The following EPN2 variants were observed in gnomAD, a reference collection of about 807,000 sequenced individuals.
EPN2 encodes epsin-2.
Under a neutral mutation model 61.7 loss-of-function variants are expected in EPN2, and 34 were observed. The observed-to-expected ratio is 0.55, with a 90% CI of 0.42 to 0.73. The LOEUF is 0.73. Among genes scored for constraint, EPN2 ranks in the 30% least tolerant of loss-of-function variants. The pLI is 0.00. For missense variants in EPN2, 714 were observed against 839.2 expected (o/e 0.85, Z 1.84); for synonymous variants, 349 against 353.6 (o/e 0.99, Z 0.15).
At chr17:19,254,242 A>G (rs2152204208) in intron 1 of EPN2, among the ~76,000 whole-genome samples, 1 of 151,526 alleles carries the variant, frequency 6.6e-6, no homozygotes, top group Non-Finnish European at 1.5e-5. Flanking sequence ...AGGAAGGAGA[A>G]CTTATAACTG....
intron 7 of EPN2, among the ~76,000 whole-genome samples, chr17:19,321,526 G>A (rs1906635391): frequency 6.6e-6 from 1 of 152,210 alleles, no homozygotes; most frequent in Admixed American, 6.5e-5. Context: ...GGAAGTGGGT[G>A]AGGGGAGAAT....
At chr17:19,319,637 T>A (rs1812224932) in intron 7 of EPN2, among the ~76,000 whole-genome samples, 1 of 151,110 alleles carries the variant, frequency 6.6e-6, no homozygotes, top group Non-Finnish European at 1.5e-5. Flanking sequence ...GGCCCCTTTT[T>A]TTTTTATTTT....
chr17:19,237,787 C>A (rs1431533354), intron 1 of EPN2, among the ~76,000 whole-genome samples: 3 of 152,080 alleles, frequency 2.0e-5, no homozygotes, highest in Non-Finnish European at 2.9e-5. Context: ...GCAAGGATCT[C>A]CCCCCTTACC....
chr17:19,329,417 G>A (rs1468735844), intron 8 of EPN2, 144 bp from the exon 9 acceptor site: 2 of 611,340 alleles, frequency 3.3e-6, no homozygotes, highest in African/African-American at 3.7e-5. Context: ...TTGCCTCTTT[G>A]GCTCTCAGAA....
At chr17:19,310,579 T>TC (rs1251989145) in intron 5 of EPN2, among the ~76,000 whole-genome samples, 4 of 122,934 alleles carry the variant, frequency 3.3e-5, no homozygotes, top group Non-Finnish European at 4.9e-5. Flanking sequence ...TTCTTTTTTT[T>TC]TTTTTTTTTT....
At position 19,319,356 on chromosome 17, in the gene EPN2, G is replaced by A. The variant is rs191624694; in HGVS notation, c.1147+6077G>A. On this transcript the variant is annotated intron_variant, in intron 7 of 10. Coordinates refer to ENST00000314728, the MANE Select transcript of EPN2 (RefSeq NM_014964.5). ...AATTTTTTTTTTGAGATGGAGTCTC[G>A]TTTTGTCACCCAGGCTGGAGTGCAG... Among the ~76,000 whole-genome samples, 1,409 of 151,690 alleles carry A rather than the reference G, an allele frequency of 9.3e-3. 14 individuals carry two copies. Among genetic ancestry groups the A allele is most frequent in the Non-Finnish European group, 0.015 (1,007 of 67,936 alleles).
At chr17:19,304,613 G>A (rs1390855266) in intron 4 of EPN2, among the ~76,000 whole-genome samples, 1 of 152,228 alleles carries the variant, frequency 6.6e-6, no homozygotes, top group African/African-American at 2.4e-5. Context: ...GACAGGGCTG[G>A]AATCCACAGG....
At chr17:19,289,454 G>C (rs1189961707) in intron 4 of EPN2, among the ~76,000 whole-genome samples, 1 of 152,122 alleles carries the variant, frequency 6.6e-6, no homozygotes, top group Non-Finnish European at 1.5e-5. Context: ...GAGGGGAGCT[G>C]AGGATGACTC....
At chr17:19,240,885 G>A (rs187968810) in intron 1 of EPN2, among the ~76,000 whole-genome samples, 1 of 152,320 alleles carries the variant, frequency 6.6e-6, no homozygotes, top group African/African-American at 2.4e-5. Context: ...TTTGTCACCA[G>A]TATTCCTCGA....
intron 7 of EPN2, among the ~76,000 whole-genome samples, chr17:19,314,841 A>C (rs550050500): frequency 6.6e-6 from 1 of 152,254 alleles, no homozygotes; most frequent in African/African-American, 2.4e-5. Context: ...GTGGTGCCCC[A>C]GGGCTGGCAG....
Position 19,295,364 on chromosome 17 carries a change from A to ACG in EPN2, c.766+9575_766+9576insGC, listed in dbSNP as rs374152445. On this transcript the variant is annotated intron_variant, in intron 4 of 10. Coordinates refer to ENST00000314728, the MANE Select transcript of EPN2 (RefSeq NM_014964.5). ...AATACACACACACACACACACACAC[A>ACG]CACGCGCGTGCGCGCAAAATAGCCA... Among the ~76,000 whole-genome samples, 203 of 81,834 alleles carry ACG rather than the reference A, an allele frequency of 2.5e-3. 3 individuals carry two copies. The highest frequency in any genetic ancestry group is 0.022 in the South Asian group (79 of 3,638). 53.7% of individuals were successfully genotyped at this position (81,834 alleles called of 152,430 possible).
At chr17:19,316,777 G>A (rs868613779) in intron 7 of EPN2, among the ~76,000 whole-genome samples, 9 of 152,214 alleles carry the variant, frequency 5.9e-5, no homozygotes, top group Admixed American at 1.3e-4. Flanking sequence ...GCCTAGTGAT[G>A]TTCATAGGGG....
At position 19,283,134 on chromosome 17, in the gene EPN2, T is replaced by C. The variant is rs192773396; in HGVS notation, c.15T>C (p.Ser5=). MTTS[S]IRRQMKNIVN... ...AGAAAATAAAAATGACGACTTCGTC[T>C]ATCAGACGGCAGATGAAAAACATCG... is the stretch of plus-strand genomic sequence containing the variant. The change falls in exon 3 of 11, where the codon TCT becomes TCC. Residue 5 remains serine (S), a synonymous_variant. Coordinates refer to ENST00000314728, the MANE Select transcript of EPN2 (RefSeq NM_014964.5). The surrounding 1 kb of genome is among the most constrained non-coding windows in gnomAD (Gnocchi z 7.0). 3 of 1,607,044 alleles carry C rather than the reference T, an allele frequency of 1.9e-6. No individual in the cohort carries two copies. Among genetic ancestry groups the C allele is most frequent in the East Asian group, 2.2e-5 (1 of 44,810 alleles).
At position 19,285,338 on chromosome 17, in the gene EPN2, A is replaced by G. The variant is rs1345320347; in HGVS notation, c.596-282A>G. ...GGGATGCAGGAGCCTGGTTTGATCC[A>G]CCCCTCCTCCTCATACCGAGTCCAG... On this transcript the variant is annotated intron_variant, in intron 3 of 10. Transcript: ENST00000314728. The surrounding 1 kb of genome is among the most constrained non-coding windows in gnomAD (Gnocchi z 4.5). Among the ~76,000 whole-genome samples, 2 of 152,050 alleles carry G rather than the reference A, an allele frequency of 1.3e-5. No homozygotes were observed. The highest frequency in any genetic ancestry group is 1.3e-4 in the Admixed American group (2 of 15,276).
chr17:19,275,408 C>T (rs970306143), intron 1 of EPN2, among the ~76,000 whole-genome samples: 1 of 152,202 alleles, frequency 6.6e-6, no homozygotes, highest in Non-Finnish European at 1.5e-5. Context: ...GTGCAGACCA[C>T]GTGTTGTTAT....
At chr17:19,326,782 C>T (rs149961327) in intron 7 of EPN2, among the ~76,000 whole-genome samples, 5 of 151,222 alleles carry the variant, frequency 3.3e-5, no homozygotes, top group Non-Finnish European at 5.9e-5. Context: ...ACAGAGGAGG[C>T]CCTGCATACC....
chr17:19,261,646 G>T (rs1254804200), intron 1 of EPN2, among the ~76,000 whole-genome samples: 1 of 152,188 alleles, frequency 6.6e-6, no homozygotes, highest in Non-Finnish European at 1.5e-5. Context: ...CAGGATTTAA[G>T]TTAATTGGCC....
At chr17:19,257,994 T>G (rs1567844705) in intron 1 of EPN2, 1 of 153,156 alleles carries the variant, frequency 6.5e-6, no homozygotes, top group Non-Finnish European at 1.5e-5. Context: ...GTCTCCCATG[T>G]TCCAGGTGGT....
chr17:19,321,675 C>T (rs1906644644), intron 7 of EPN2, among the ~76,000 whole-genome samples: 1 of 151,630 alleles, frequency 6.6e-6, no homozygotes. Flanking sequence ...GGAGATGATG[C>T]ATGGTCAGGG....
Sources: gnomAD v4.1 joint callset for allele counts (sites outside exome capture counted in the v4.1 genomes callset) on GRCh38, gnomAD v4.1.1 for gene constraint, Gnocchi (gnomAD v3.1) non-coding constraint, MANE v1.5 for transcripts, NCBI Gene and HGNC (gene_info 2026-07-23, HGNC 2026-07-21) for gene names.